The following PLEKHG1 variants were observed in gnomAD, a reference collection of about 807,000 sequenced individuals.
PLEKHG1 encodes pleckstrin homology domain-containing family G member 1.
In PLEKHG1, 44 loss-of-function variants were observed where a neutral mutation model predicts 100.8. That is an observed-to-expected ratio of 0.44 (90% CI 0.34 to 0.56). The LOEUF (loss-of-function observed/expected upper bound fraction) is 0.56, where lower values mean the gene tolerates loss of function less well. Ranked by LOEUF, PLEKHG1 falls within the 20% of genes least tolerant of loss-of-function variation. The pLI is 0.01. For synonymous variants in PLEKHG1, 640 were observed against 662.5 expected, an observed-to-expected ratio of 0.97 and a Z score of 0.52; for missense variants, 1,545 against 1,720.9, an observed-to-expected ratio of 0.90 and a Z score of 1.81.
At chr6:150,806,223 CTTTTTT>C (rs58040509) in intron 7 of PLEKHG1, among the ~76,000 whole-genome samples, 2,755 of 89,858 alleles carry the variant, frequency 0.031, 89 homozygotes, top group African/African-American at 0.1. Flanking sequence ...TTCCAGGCTG[CTTTTTT>C]TTTTTTTTTT....
intron 1 of PLEKHG1, among the ~76,000 whole-genome samples, chr6:150,732,648 T>A (rs1438739005): frequency 6.6e-6 from 1 of 152,140 alleles, no homozygotes; most frequent in African/African-American, 2.4e-5. Context: ...GATAAAGTCT[T>A]GCTCTGTCGC....
chr6:150,718,324 A>G (rs1020623212), upstream of PLEKHG1, among the ~76,000 whole-genome samples: 2 of 152,094 alleles, frequency 1.3e-5, no homozygotes, highest in Admixed American at 6.6e-5. Flanking sequence ...TGTGGTGGGG[A>G]GCACTGGAAC....
intron 10 of PLEKHG1, among the ~76,000 whole-genome samples, chr6:150,816,393 G>T (rs1775962120): frequency 8.0e-6 from 1 of 124,946 alleles, no homozygotes; most frequent in Non-Finnish European, 1.6e-5. Flanking sequence ...AGGCTGGAGT[G>T]CAGTGGTGCT....
At chr6:150,723,610 A>G (rs1262766499) in intron 1 of PLEKHG1, among the ~76,000 whole-genome samples, 1 of 152,208 alleles carries the variant, frequency 6.6e-6, no homozygotes, top group Non-Finnish European at 1.5e-5. Flanking sequence ...ACAGTTTTCA[A>G]AAAGTAATGA....
At chr6:150,654,216 G>A (rs1194263171) in intron 3 of PLEKHG1, among the ~76,000 whole-genome samples, 2 of 152,220 alleles carry the variant, frequency 1.3e-5, no homozygotes, top group African/African-American at 4.8e-5. Flanking sequence ...TGCTGAGGGC[G>A]TCCTGATCTT....
chr6:150,614,080 A>T (rs1776961189), intron 1 of PLEKHG1, among the ~76,000 whole-genome samples: 3 of 152,230 alleles, frequency 2.0e-5, no homozygotes, highest in Admixed American at 1.3e-4. Context: ...TTATTTTTGG[A>T]AGTCAGCACC....
intron 3 of PLEKHG1, among the ~76,000 whole-genome samples, chr6:150,702,561 T>G (rs866300483): frequency 2.7e-5 from 4 of 147,056 alleles, no homozygotes; most frequent in African/African-American, 1.1e-4. Context: ...TTTTGGGGTG[T>G]GTGTGTGTGT....
chr6:150,750,759 C>T (rs1444660680), intron 2 of PLEKHG1, among the ~76,000 whole-genome samples: 11 of 105,762 alleles, frequency 1.0e-4, no homozygotes, highest in Non-Finnish European at 1.7e-4. Context: ...CCAGCCTGGG[C>T]GACAGAGCGA....
In PLEKHG1 at chr6:150,780,153, T is replaced by G. The variant is rs1197049014; in HGVS notation, c.513-6237T>G. Among the ~76,000 whole-genome samples, 22 of 146,040 alleles carry G rather than the reference T, an allele frequency of 1.5e-4. No homozygotes were observed. In the Admixed American group the frequency reaches 1.5e-3, roughly 10 times the overall value. On this transcript the variant is annotated intron_variant, in intron 3 of 15. Coordinates refer to ENST00000358517, the Ensembl canonical transcript of PLEKHG1. ...TTTTCTTTAATTTTTTTTTTTTTTTTGAGACAGAGTCTTGCTCTGTTGCCC... is the reference window on the plus strand; with the variant it reads ...TTTTCTTTAATTTTTTTTTTTTTTTGGAGACAGAGTCTTGCTCTGTTGCCC...
chr6:150,690,362 G>A (rs555500683), intron 3 of PLEKHG1, among the ~76,000 whole-genome samples: 13 of 152,080 alleles, frequency 8.5e-5, no homozygotes, highest in African/African-American at 2.7e-4. Context: ...CATCGTTACT[G>A]TTTCTCGGTG....
chr6:150,701,439 A>ATATATATT (rs1554261484), intron 3 of PLEKHG1, among the ~76,000 whole-genome samples: 1 of 69,764 alleles, frequency 1.4e-5, no homozygotes, highest in Non-Finnish European at 2.4e-5. Context: ...ATATATATAT[A>ATATATATT]TATATATATA....
chr6:150,732,522 A>G (rs531820706), intron 1 of PLEKHG1, among the ~76,000 whole-genome samples: 1 of 152,378 alleles, frequency 6.6e-6, no homozygotes, highest in South Asian at 2.1e-4. Flanking sequence ...CATTGTATGA[A>G]CATCACAGAG....
At position 150,683,994 on chromosome 6, in the gene PLEKHG1, G is replaced by A. The variant is rs1006585017; in HGVS notation, c.-99+33208G>A. The stretch of plus-strand genomic sequence containing the variant: ...AAAGTATCAGGCAGCCTCCTCGGGC[G>A]GAGACCGCAGGTAGATGTCCCTGGC... On this transcript the variant is annotated intron_variant, in intron 3 of 3. Transcript: ENST00000367326. This position sits in a 1 kb window ranked among gnomAD's most constrained non-coding sequence, Gnocchi z 4.0. The A allele has an allele frequency of 2.2e-5, 8 of 363,164 alleles. No individual in the cohort carries two copies. In the Admixed American group the frequency reaches 2.3e-4, roughly 11 times the overall value. The allele number at this position is 363,164 out of a possible 1,614,324, so 22.5% of individuals were successfully genotyped here.
chr6:150,652,269 C>T (rs1001557496), intron 3 of PLEKHG1, among the ~76,000 whole-genome samples: 3 of 152,194 alleles, frequency 2.0e-5, no homozygotes, highest in South Asian at 2.1e-4. Context: ...TACTTTAACT[C>T]ATCAGGCTCT....
Position 150,603,617 on chromosome 6 carries a change from C to G in PLEKHG1, c.-204+3600C>G, listed in dbSNP as rs59753733. ...CAGTGATTAGGAGTTGACTGTGTATCTAGAATAGTCTTCATGTTTGAGGCT... is the reference window on the plus strand; with the variant it reads ...CAGTGATTAGGAGTTGACTGTGTATGTAGAATAGTCTTCATGTTTGAGGCT... On this transcript the variant is annotated intron_variant, in intron 1 of 3. Transcript: ENST00000367326. Among the ~76,000 whole-genome samples, 829 of 152,148 alleles carry G rather than the reference C, an allele frequency of 5.4e-3. 6 individuals are homozygous for G. The highest frequency in any genetic ancestry group is 0.018 in the African/African-American group (764 of 41,484).
chr6:150,751,842 G>A (rs1424114846), intron 2 of PLEKHG1, among the ~76,000 whole-genome samples: 1 of 152,156 alleles, frequency 6.6e-6, no homozygotes, highest in Non-Finnish European at 1.5e-5. Flanking sequence ...AATCCTTACC[G>A]ATGAGCCTAA....
chr6:150,617,722 C>G (rs1439923197), intron 1 of PLEKHG1, among the ~76,000 whole-genome samples: 1 of 152,182 alleles, frequency 6.6e-6, no homozygotes, highest in African/African-American at 2.4e-5. Context: ...CTTGTGAAGC[C>G]AGGCAAGAGA....
intron 15 of PLEKHG1, among the ~76,000 whole-genome samples, chr6:150,833,180 C>T (rs903497194): frequency 5.9e-5 from 9 of 151,476 alleles, no homozygotes; most frequent in Non-Finnish European, 1.3e-4. Context: ...GTAGCTGGGA[C>T]TACAGGTGTG....
At chr6:150,640,378 C>G (rs535920279) in intron 2 of PLEKHG1, among the ~76,000 whole-genome samples, 1 of 152,306 alleles carries the variant, frequency 6.6e-6, no homozygotes, top group South Asian at 2.1e-4. Context: ...CCATGGCCTG[C>G]CACCACATCT....
Sources: gnomAD v4.1 joint callset for allele counts (sites outside exome capture counted in the v4.1 genomes callset) on GRCh38, gnomAD v4.1.1 for gene constraint, Gnocchi (gnomAD v3.1) non-coding constraint, MANE v1.5 for transcripts, NCBI Gene and HGNC (gene_info 2026-07-23, HGNC 2026-07-21) for gene names.